The following TTC3 variants were observed in gnomAD, a reference collection of about 807,000 sequenced individuals.
TTC3 encodes the protein E3 ubiquitin-protein ligase TTC3.
Under a neutral mutation model 249.6 loss-of-function variants are expected in TTC3, and 180 were observed. That is an observed-to-expected ratio of 0.72 (90% confidence interval 0.64 to 0.82). TTC3 has a LOEUF of 0.82. TTC3 is among the 40% of genes least tolerant of loss of function. TTC3 has a pLI of 0.00. For synonymous variants in TTC3, 717 were observed against 805.0 expected, an observed-to-expected ratio of 0.89 and a Z score of 1.85; for missense variants, 2,061 against 2,398.4, an observed-to-expected ratio of 0.86 and a Z score of 2.94.
chr21:37,108,959 T>C (rs2075346393), intron 11 of TTC3, among the ~76,000 whole-genome samples: 1 of 152,158 alleles, frequency 6.6e-6, no homozygotes, highest in Non-Finnish European at 1.5e-5. Context: ...AGCTGGAATA[T>C]GCACATAATT....
chr21:37,182,791 A>T, exon 36 of TTC3: 1 of 1,592,398 alleles, frequency 6.3e-7, no homozygotes, highest in Non-Finnish European at 8.5e-7. Context: ...AGACGGAATT[A>T]GATTGGTTCC....
At chr21:37,142,619 A>G (rs2078587333) in intron 20 of TTC3, among the ~76,000 whole-genome samples, 1 of 152,250 alleles carries the variant, frequency 6.6e-6, no homozygotes, top group African/African-American at 2.4e-5. Context: ...ATGGAAGAAC[A>G]TTCCATGCTC....
chr21:37,091,234 C>T, intron 6 of TTC3, 59 bp from the exon 7 acceptor site: 2 of 1,544,716 alleles, frequency 1.3e-6, no homozygotes, highest in Non-Finnish European at 1.8e-6. Context: ...TTTATAATGC[C>T]ACATGCAAAT....
At chr21:37,185,760 G>T in exon 37 of TTC3, 1 of 1,546,194 alleles carries the variant, frequency 6.5e-7, no homozygotes, top group Non-Finnish European at 8.7e-7. Flanking sequence ...ATCTGGATCA[G>T]TCCCTTGAAA....
At chr21:37,122,835 C>G in intron 12 of TTC3, 148 bp from the exon 13 acceptor site, 1 of 779,664 alleles carries the variant, frequency 1.3e-6, no homozygotes, top group Non-Finnish European at 2.0e-6. Context: ...CTAAAGACAT[C>G]TAGAAATGTA....
chr21:37,096,801 TAAC>T (rs1211623637), intron 10 of TTC3, 158 bp downstream of exon 10: 3 of 552,958 alleles, frequency 5.4e-6, no homozygotes, highest in East Asian at 3.0e-5. Flanking sequence ...TTATATATAA[TAAC>T]AACAGTGACA....
chr21:37,096,056 G>A (rs769779391), intron 9 of TTC3, among the ~76,000 whole-genome samples: 3 of 152,204 alleles, frequency 2.0e-5, no homozygotes, highest in African/African-American at 2.4e-5. Flanking sequence ...GAGGGAATCC[G>A]GTTAGTGTAC....
At chr21:37,097,219 A>G (rs576689957) in intron 10 of TTC3, among the ~76,000 whole-genome samples, 1 of 152,242 alleles carries the variant, frequency 6.6e-6, no homozygotes, top group Admixed American at 6.5e-5. Context: ...CTGAGTTTTT[A>G]TTTATTAGCT....
intron 14 of TTC3, among the ~76,000 whole-genome samples, chr21:37,125,595 C>G (rs1306537740): frequency 6.6e-6 from 1 of 151,810 alleles, no homozygotes; most frequent in African/African-American, 2.4e-5. Flanking sequence ...ATAATGATCG[C>G]TATTATAATT....
At chr21:37,089,704 G>A (rs946172853) in intron 5 of TTC3, among the ~76,000 whole-genome samples, 1 of 152,032 alleles carries the variant, frequency 6.6e-6, no homozygotes, top group Non-Finnish European at 1.5e-5. Context: ...AGTAGAAACG[G>A]GGTTTCACCA....
intron 29 of TTC3, 45 bp downstream of exon 29, chr21:37,159,790 T>C: frequency 6.3e-7 from 1 of 1,587,178 alleles, no homozygotes; most frequent in Non-Finnish European, 8.6e-7. Context: ...AATCTGATGT[T>C]AAACCAAGGA....
chr21:37,095,583 G>A, intron 9 of TTC3, 139 bp downstream of exon 9: 2 of 570,428 alleles, frequency 3.5e-6, no homozygotes, highest in Non-Finnish European at 3.0e-6. Flanking sequence ...ATCCTTGGGT[G>A]TTGGAAGCAT....
At position 37,098,782 on chromosome 21, in the gene TTC3, A is replaced by C. The variant is rs555152909; in HGVS notation, c.845+2139A>C. 2.0e-5 allele frequency: 3 copies of C among 152,300 alleles called. No individual in the cohort carries two copies. The South Asian group carries it at 6.2e-4, about 32-fold the overall frequency. 9.4% of individuals were successfully genotyped at this position (152,300 alleles called of 1,614,324 possible). On this transcript the variant is annotated intron_variant, in intron 10 of 45. Coordinates refer to ENST00000355666, the Ensembl canonical transcript of TTC3. ...ATCAGGTGACTAGATGGTGTGACTT[A>C]AGGAAAGAACACGTTGCCAGTAATT...
At chr21:37,190,141 T>C (rs944811913) in intron 39 of TTC3, among the ~76,000 whole-genome samples, 5 of 121,920 alleles carry the variant, frequency 4.1e-5, no homozygotes, top group African/African-American at 1.5e-4. Context: ...TTTTTTTTTT[T>C]TTTTTTTTTT....
chr21:37,095,294 G>T (rs1057169780), intron 8 of TTC3, 56 bp from the exon 9 acceptor site: 1 of 1,166,678 alleles, frequency 8.6e-7, no homozygotes, highest in Non-Finnish European at 1.2e-6. Context: ...TAGGTATTGG[G>T]TTCTTGATGA....
chr21:37,093,911 C>G (rs776087698), intron 7 of TTC3, 94 bp from the exon 8 acceptor site: 33 of 741,846 alleles, frequency 4.4e-5, no homozygotes, highest in Non-Finnish European at 7.4e-5. Flanking sequence ...CCGTTGTGGA[C>G]TCACCTAACT....
At chr21:37,171,241 T>A (rs1355380383) in intron 34 of TTC3, among the ~76,000 whole-genome samples, 2 of 152,200 alleles carry the variant, frequency 1.3e-5, no homozygotes, top group Non-Finnish European at 2.9e-5. Flanking sequence ...GACCATCAAA[T>A]GAATGTTTTT....
At chr21:37,169,981 C>T (rs1835580624) in intron 34 of TTC3, among the ~76,000 whole-genome samples, 1 of 152,044 alleles carries the variant, frequency 6.6e-6, no homozygotes, top group Non-Finnish European at 1.5e-5. Context: ...ATTCCTTATA[C>T]CAAAATAAGT....
At chr21:37,083,247 C>T (rs1601247073) in intron 1 of TTC3, 1 of 985,242 alleles carries the variant, frequency 1.0e-6, no homozygotes, top group Non-Finnish European at 1.2e-6. Context: ...TGACTGGCTT[C>T]TAGGTTGTGT....
Sources: allele counts gnomAD v4.1 joint callset (sites outside exome capture counted in the v4.1 genomes callset), GRCh38; gene constraint gnomAD v4.1.1; transcripts MANE v1.5; gene names NCBI Gene and HGNC (gene_info 2026-07-23, HGNC 2026-07-21).